SLC44A5: variants seen among roughly 807,000 people sequenced by gnomAD.
SLC44A5 encodes choline transporter-like protein 5.
SLC44A5 carries 57 observed loss-of-function variants against 101.8 expected under a neutral mutation model. The observed-to-expected ratio is 0.56, with a 90% confidence interval of 0.45 to 0.70. The LOEUF is 0.70. SLC44A5 is among the 30% of genes least tolerant of loss of function. The pLI is 0.00. For missense variants in SLC44A5, 737 were observed against 853.1 expected (o/e 0.86, Z 1.70); for synonymous variants, 281 against 290.9 (o/e 0.97, Z 0.35).
At chr1:75,565,520 G>A (rs1177895543) in intron 1 of SLC44A5, among the ~76,000 whole-genome samples, 1 of 152,144 alleles carries the variant, frequency 6.6e-6, no homozygotes, top group Non-Finnish European at 1.5e-5. Flanking sequence ...TTGTAGAAGT[G>A]GGATAATTCT....
At chr1:75,495,821 GGTATATAGGATGT>G (rs1472565767) in intron 2 of SLC44A5, among the ~76,000 whole-genome samples, 2 of 151,966 alleles carry the variant, frequency 1.3e-5, no homozygotes, top group East Asian at 3.9e-4. Flanking sequence ...AGTTTTTGTG[GGTATATAGGATGT>G]GTATATACTT....
chr1:75,577,057 A>G (rs1482924606), intron 1 of SLC44A5, among the ~76,000 whole-genome samples: 1 of 152,166 alleles, frequency 6.6e-6, no homozygotes, highest in Non-Finnish European at 1.5e-5. Context: ...AAAGCCCTGC[A>G]TCTCATTGAC....
intron 2 of SLC44A5, among the ~76,000 whole-genome samples, chr1:75,524,658 T>G (rs1670320195): frequency 6.6e-6 from 1 of 152,142 alleles, no homozygotes; most frequent in Admixed American, 6.5e-5. Flanking sequence ...TATAAGAGAA[T>G]GCGAAAATAA....
chr1:75,716,971 T>C, the SLC44A5 span, among the ~76,000 whole-genome samples: 8 of 151,652 alleles, frequency 5.3e-5, no homozygotes, highest in African/African-American at 1.9e-4. Context: ...GAGGCAGAAG[T>C]TGCAGTGAGC....
chr1:75,548,999 G>C (rs1671795417), intron 1 of SLC44A5, among the ~76,000 whole-genome samples: 1 of 152,090 alleles, frequency 6.6e-6, no homozygotes, highest in African/African-American at 2.4e-5. Flanking sequence ...TATCCCAAAA[G>C]CTATGGCTAT....
intron 2 of SLC44A5, among the ~76,000 whole-genome samples, chr1:75,487,198 A>G (rs903038581): frequency 3.9e-5 from 6 of 152,190 alleles, no homozygotes; most frequent in African/African-American, 1.4e-4. Context: ...ACAACAGACA[A>G]TAAACAGATA....
chr1:75,538,612 G>A (rs192353495), intron 2 of SLC44A5, among the ~76,000 whole-genome samples: 36 of 152,244 alleles, frequency 2.4e-4, no homozygotes, highest in South Asian at 6.2e-4. Context: ...GCTTCTTTTC[G>A]ATTACAGAAA....
intron 4 of SLC44A5, among the ~76,000 whole-genome samples, chr1:75,334,135 T>C (rs771377400): frequency 3.9e-5 from 6 of 152,218 alleles, no homozygotes; most frequent in South Asian, 2.1e-4. Context: ...TTTATCACTA[T>C]TGAAAGTAGC....
At chr1:75,280,060 G>A (rs1370751244) in intron 5 of SLC44A5, among the ~76,000 whole-genome samples, 2 of 145,904 alleles carry the variant, frequency 1.4e-5, no homozygotes, top group African/African-American at 2.5e-5. Flanking sequence ...TTCCATCCAG[G>A]TTGCTGCAAA....
the SLC44A5 span, among the ~76,000 whole-genome samples, chr1:75,629,063 C>A: frequency 6.6e-6 from 1 of 151,862 alleles, no homozygotes; most frequent in Non-Finnish European, 1.5e-5. Flanking sequence ...TTAATTATCT[C>A]CAACAATAAA....
At chr1:75,648,963 A>T in the SLC44A5 span, among the ~76,000 whole-genome samples, 1 of 152,300 alleles carries the variant, frequency 6.6e-6, no homozygotes, top group African/African-American at 2.4e-5. Context: ...TGAAATTACA[A>T]TAATTTTTAG....
the SLC44A5 span, chr1:75,710,465 G>A: frequency 3.3e-5 from 5 of 150,192 alleles, no homozygotes; most frequent in African/African-American, 7.4e-5. Context: ...TTGGGAGGCT[G>A]AGGTGAGAGA....
intron 2 of SLC44A5, among the ~76,000 whole-genome samples, chr1:75,419,232 A>C (rs1663849511): frequency 6.6e-6 from 1 of 152,162 alleles, no homozygotes; most frequent in African/African-American, 2.4e-5. Flanking sequence ...ATTGGAATAA[A>C]ATGATAAACA....
intron 1 of SLC44A5, among the ~76,000 whole-genome samples, chr1:75,568,766 T>C (rs1023056442): frequency 4.1e-4 from 62 of 152,296 alleles, no homozygotes; most frequent in African/African-American, 1.5e-3. Context: ...CTCACAAGAA[T>C]AGAACATCCT....
At chr1:75,296,284 ACTT>A in intron 5 of SLC44A5, among the ~76,000 whole-genome samples, 1 of 152,194 alleles carries the variant, frequency 6.6e-6, no homozygotes, top group East Asian at 1.9e-4. Context: ...TGCAGATCCT[ACTT>A]CTCAATGGGA....
intron 2 of SLC44A5, among the ~76,000 whole-genome samples, chr1:75,440,608 CTT>C (rs1665141074): frequency 6.6e-6 from 1 of 151,994 alleles, no homozygotes; most frequent in Non-Finnish European, 1.5e-5. Context: ...CTCGTGATCT[CTT>C]TTACATTTGT....
intron 6 of SLC44A5, among the ~76,000 whole-genome samples, chr1:75,263,848 G>A (rs1650751113): frequency 6.6e-6 from 1 of 152,110 alleles, no homozygotes; most frequent in Non-Finnish European, 1.5e-5. Context: ...GATGAAGCTG[G>A]AAACCATCAT....
the SLC44A5 span, among the ~76,000 whole-genome samples, chr1:75,674,777 T>C: frequency 9.8e-5 from 15 of 152,332 alleles, no homozygotes; most frequent in Admixed American, 6.5e-4. Flanking sequence ...AAAGAGGAGA[T>C]AGAGAAAGGG....
intron 2 of SLC44A5, among the ~76,000 whole-genome samples, chr1:75,406,016 AT>A (rs1349355413): frequency 2.0e-5 from 3 of 152,172 alleles, no homozygotes; most frequent in African/African-American, 7.2e-5. Context: ...GCAATAAAAA[AT>A]GATAGAGGGG....
Sources: gnomAD v4.1 joint callset for allele counts (sites outside exome capture counted in the v4.1 genomes callset) on GRCh38, gnomAD v4.1.1 for gene constraint, MANE v1.5 for transcripts, NCBI Gene and HGNC (gene_info 2026-07-23, HGNC 2026-07-21) for gene names.